AFAP1: variants seen among roughly 807,000 people sequenced by gnomAD.
AFAP1 encodes actin filament associated protein 1.
AFAP1 carries 75 observed loss-of-function variants against 93.9 expected under a neutral mutation model. That is an observed-to-expected ratio of 0.80 (90% CI 0.66 to 0.97). The LOEUF (loss-of-function observed/expected upper bound fraction) is 0.97, where lower values mean the gene tolerates loss of function less well. AFAP1 is among the 50% of genes least tolerant of loss of function. The pLI, the probability that AFAP1 is intolerant of heterozygous loss-of-function variation, is 0.00. For missense variants in AFAP1, 1,201 were observed against 1,050.8 expected (o/e 1.14, Z -1.98); for synonymous variants, 517 against 430.7 (o/e 1.20, Z -2.48).
chr4:7,832,840 G>C (rs1332675672), intron 6 of AFAP1, among the ~76,000 whole-genome samples: 9 of 152,106 alleles, frequency 5.9e-5, no homozygotes, highest in Admixed American at 4.6e-4. Flanking sequence ...GAACAGAATA[G>C]AGAACCCAAA....
At chr4:7,764,582 A>C (rs1714288623) in intron 17 of AFAP1, among the ~76,000 whole-genome samples, 1 of 152,190 alleles carries the variant, frequency 6.6e-6, no homozygotes, top group Non-Finnish European at 1.5e-5. Context: ...ACTCTAATAG[A>C]AAAAAATTTT....
chr4:7,838,487 GAA>G, intron 6 of AFAP1, 35 bp downstream of exon 6: 1 of 1,575,632 alleles, frequency 6.3e-7, no homozygotes, highest in Non-Finnish European at 8.6e-7. Context: ...AAGGCATGTG[GAA>G]CTGAAATGGC....
rs1313099885 is a variant in AFAP1, at chr4:7,759,511, G to GTTTA, written c.*4250_*4253dup. The GTTTA allele has an allele frequency of 4.6e-5, 7 of 152,624 alleles. No homozygotes were observed. The highest frequency in any genetic ancestry group is 8.8e-5 in the Non-Finnish European group (6 of 68,038). 9.5% of individuals were successfully genotyped at this position (152,624 alleles called of 1,614,324 possible). Reference sequence around the variant, plus strand: ...GCAGGAACGTTTTGGTTTCATTTTAGTTTATTTCACAGTATGAACCCAGCC... The same window carrying GTTTA: ...GCAGGAACGTTTTGGTTTCATTTTAGTTTATTTATTTCACAGTATGAACCCAGCC... On this transcript the variant is annotated 3_prime_UTR_variant, in exon 18 of 18. Transcript: ENST00000420658.
intron 6 of AFAP1, among the ~76,000 whole-genome samples, chr4:7,822,751 A>ATTT (rs5855983): frequency 1.3e-3 from 187 of 141,392 alleles, no homozygotes; most frequent in South Asian, 3.4e-3. Context: ...CGCCCGGCTA[A>ATTT]TTTTTTTTTT....
chr4:7,864,772 C>T (rs1716217706), intron 3 of AFAP1, among the ~76,000 whole-genome samples: 4 of 152,118 alleles, frequency 2.6e-5, no homozygotes, highest in Non-Finnish European at 5.9e-5. Flanking sequence ...AAAATGAGTG[C>T]CAAAGCCGAG....
At chr4:7,835,334 G>T (rs77623945) in intron 6 of AFAP1, among the ~76,000 whole-genome samples, 28 of 36,046 alleles carry the variant, frequency 7.8e-4, no homozygotes, top group Admixed American at 9.9e-4. Context: ...GACTGCGGGC[G>T]GCCTCAAGGT....
intron 4 of AFAP1, among the ~76,000 whole-genome samples, chr4:7,851,135 T>A (rs1275273423): frequency 6.6e-6 from 1 of 152,170 alleles, no homozygotes; most frequent in Non-Finnish European, 1.5e-5. Context: ...GGCTACACCA[T>A]CCTTTAGAGA....
At chr4:7,764,312 A>C (rs1175177396) in intron 17 of AFAP1, among the ~76,000 whole-genome samples, 1 of 152,186 alleles carries the variant, frequency 6.6e-6, no homozygotes. Flanking sequence ...ACACACAGAC[A>C]GGAGGATGGC....
At position 7,782,168 on chromosome 4, in the gene AFAP1, TC is replaced by T. The variant is rs538059324; in HGVS notation, c.1531-542del. ...GGACGCTGACTTCGTCTCACAGTCA[TC>T]CGGGGAAAAAGGGGGAAATGGAAGC... On this transcript the variant is annotated intron_variant, in intron 12 of 17. Transcript: ENST00000420658. Among the ~76,000 whole-genome samples, 354 of 152,244 alleles carry T rather than the reference TC, an allele frequency of 2.3e-3. 1 individual carries two copies. The highest frequency in any genetic ancestry group is 8.2e-3 in the African/African-American group (340 of 41,554).
chr4:7,815,254 A>C (rs1485239273), intron 8 of AFAP1, among the ~76,000 whole-genome samples: 1 of 148,728 alleles, frequency 6.7e-6, no homozygotes, highest in Non-Finnish European at 1.5e-5. Flanking sequence ...CTGGGGGAGG[A>C]GGGAATGGGG....
intron 5 of AFAP1, among the ~76,000 whole-genome samples, chr4:7,839,576 GAC>G (rs1174981386): frequency 6.6e-6 from 1 of 152,014 alleles, no homozygotes; most frequent in Non-Finnish European, 1.5e-5. Flanking sequence ...CTTTCTGAAA[GAC>G]ACAAATTATT....
chr4:7,778,966 T>C, intron 13 of AFAP1, 90 bp from the exon 14 acceptor site: 1 of 996,738 alleles, frequency 1.0e-6, no homozygotes, highest in Non-Finnish European at 1.5e-6. Flanking sequence ...TTTCTTTCAG[T>C]CTCTAAGTAT....
In AFAP1 at chr4:7,800,511, C is replaced by T. The variant is rs766709103; in HGVS notation, c.1197G>A (p.Pro399=). The change falls in exon 10 of 18, where the codon CCG becomes CCA. Residue 399 remains proline, a synonymous_variant. Transcript: ENST00000420658. The part of the protein sequence containing the change: ...SIPLRGCEVI[P]GLDSKHPLTF... ...TCAGAGGATGTTTAGAATCCAAACC[C>T]GGGATCACCTCGCAGCCACGGAGCG... is the stretch of plus-strand genomic sequence containing the variant. 9 of 1,614,210 alleles carry T rather than the reference C, an allele frequency of 5.6e-6. No homozygotes were observed. The highest frequency in any genetic ancestry group is 5.9e-6 in the Non-Finnish European group (7 of 1,180,038).
Position 7,759,269 on chromosome 4 carries a change from C to T in AFAP1, c.*4496G>A, listed in dbSNP as rs1160335894. On this transcript the variant is annotated 3_prime_UTR_variant, in exon 18 of 18. Coordinates refer to ENST00000420658, the MANE Select transcript of AFAP1 (RefSeq NM_001134647.2). ...CTTTTGAAAGTATCTTCCATGGCTA[C>T]ACTAAAAAGACCCGGTAACACTTGT... 3 of 152,634 alleles carry T rather than the reference C, an allele frequency of 2.0e-5. No individual in the cohort carries two copies. Among genetic ancestry groups the T allele is most frequent in the African/African-American group, 4.8e-5 (2 of 41,450 alleles). The allele number at this position is 152,634 out of a possible 1,614,324, so 9.5% of individuals were successfully genotyped here. A position where few individuals can be genotyped will look rare whatever the true frequency, so the allele number is the denominator to read the frequency against.
At chr4:7,776,782 G>A (rs772060092) in intron 14 of AFAP1, 1 of 152,150 alleles carries the variant, frequency 6.6e-6, no homozygotes, top group Non-Finnish European at 1.5e-5. Flanking sequence ...TGCAGCTAAG[G>A]TTAACAACAT....
chr4:7,868,412 T>C (rs1305811530), intron 3 of AFAP1, among the ~76,000 whole-genome samples: 2 of 152,136 alleles, frequency 1.3e-5, no homozygotes, highest in African/African-American at 2.4e-5. Flanking sequence ...TGCAAAGAAA[T>C]GCTAGCTTCC....
At chr4:7,917,031 T>A (rs926977689) in intron 1 of AFAP1, among the ~76,000 whole-genome samples, 6 of 152,238 alleles carry the variant, frequency 3.9e-5, no homozygotes, top group African/African-American at 1.4e-4. Context: ...AATAGTGCCA[T>A]GAGTTTGAGC....
chr4:7,781,618 C>G lies in AFAP1; in HGVS notation c.1540G>C (p.Glu514Gln). The G allele has an allele frequency of 1.3e-6, 2 of 1,551,756 alleles. No homozygotes were observed. The highest frequency in any genetic ancestry group is 1.7e-6 in the Non-Finnish European group (2 of 1,147,002). Residue 514 changes from glutamate (E) to glutamine (Q), a missense_variant, in exon 13 of 18, where the codon GAA becomes CAA. Transcript: ENST00000420658. Reference protein sequence around the residue: ...VPCINGSWEPEDGFPASCSRG... With the variant: ...VPCINGSWEPQDGFPASCSRG... The stretch of plus-strand genomic sequence containing the variant: ...CTGCAGGAAGCAGGAAAGCCGTCTT[C>G]CGGTTCCCACTGCAACACACATAGC...
chr4:7,789,580 A>ACC lies in AFAP1; in HGVS notation c.1413-3270_1413-3269insGG, dbSNP rs752681343. ...CACCATCCCATCCGTGCATCTCCCC[A>ACC]CGCTCCGCACCAGCCGCTGCTTTCC... On this transcript the variant is annotated intron_variant, in intron 11 of 17. Coordinates refer to ENST00000420658, the MANE Select transcript of AFAP1 (RefSeq NM_001134647.2). Among the ~76,000 whole-genome samples the ACC allele has an allele frequency of 7.9e-5, 10 of 127,264 alleles. 1 individual carries two copies. Among genetic ancestry groups the ACC allele is most frequent in the Non-Finnish European group, 1.6e-4 (10 of 62,432 alleles). 83.5% of individuals were successfully genotyped at this position (127,264 alleles called of 152,430 possible). A position where few individuals can be genotyped will look rare whatever the true frequency, so the allele number is the denominator to read the frequency against.
Sources: allele counts gnomAD v4.1 joint callset (sites outside exome capture counted in the v4.1 genomes callset), GRCh38; gene constraint gnomAD v4.1.1; transcripts MANE v1.5; gene names NCBI Gene and HGNC (gene_info 2026-07-23, HGNC 2026-07-21).